The following PPP2R2C variants were observed in gnomAD, a reference collection of about 807,000 sequenced individuals.
PPP2R2C encodes the protein protein phosphatase 2 regulatory subunit Bgamma, also known as protein phosphatase 2, regulatory subunit B, gamma.
A neutral mutation model predicts 45.3 loss-of-function variants in PPP2R2C; 10 were observed. The ratio of observed to expected loss-of-function variants is 0.22; its 90% CI spans 0.14 to 0.37. The LOEUF (loss-of-function observed/expected upper bound fraction) is 0.37. Ranked by LOEUF, PPP2R2C falls within the 10% of genes least tolerant of loss-of-function variation. The pLI is 1.00. For missense variants in PPP2R2C, 308 were observed against 619.7 expected (o/e 0.50, Z 5.34); for synonymous variants, 257 against 245.4 (o/e 1.05, Z -0.44).
intron 2 of PPP2R2C, among the ~76,000 whole-genome samples, chr4:6,522,574 G>A (rs1008447733): frequency 7.9e-5 from 12 of 152,360 alleles, no homozygotes; most frequent in South Asian, 2.1e-4. Context: ...CGGAGTCACC[G>A]GGCATGGTGG....
intron 1 of PPP2R2C, among the ~76,000 whole-genome samples, chr4:6,541,273 G>A (rs1724795120): frequency 2.0e-5 from 3 of 152,200 alleles, no homozygotes; most frequent in Admixed American, 2.0e-4. Flanking sequence ...AATCCAGGAA[G>A]AATGGATATT....
chr4:6,477,730 C>CAAAAA lies in PPP2R2C; in HGVS notation c.49+57536_49+57540dup, dbSNP rs5855918. On this transcript the variant is annotated intron_variant, in intron 2 of 9. Transcript: ENST00000506140. ...TGGGCGACAGAGCGAGACTCCGTCT[C>CAAAAA]AAAAAAAAAAAAAAAAAAAAAAACT... is the stretch of plus-strand genomic sequence containing the variant. Among the ~76,000 whole-genome samples the CAAAAA allele has an allele frequency of 3.2e-3, 250 of 77,078 alleles. 3 individuals are homozygous for CAAAAA. In the Middle Eastern group the frequency reaches 0.037, roughly 11 times the overall value. The allele number at this position is 77,078 out of a possible 152,430, so 50.6% of individuals were successfully genotyped here. A position where few individuals can be genotyped will look rare whatever the true frequency, so the allele number is the denominator to read the frequency against.
chr4:6,407,725 A>G (rs1717895184), intron 1 of PPP2R2C, among the ~76,000 whole-genome samples: 1 of 152,212 alleles, frequency 6.6e-6, no homozygotes, highest in Non-Finnish European at 1.5e-5. Context: ...TAGAAGTCAA[A>G]TACCCTTAGA....
chr4:6,395,157 A>T (rs1231106923), intron 1 of PPP2R2C, among the ~76,000 whole-genome samples: 3 of 152,072 alleles, frequency 2.0e-5, no homozygotes, highest in Non-Finnish European at 4.4e-5. Context: ...GGCCCTCCCT[A>T]AAACCTTCCA....
At chr4:6,409,682 AC>A (rs892096009) in intron 1 of PPP2R2C, among the ~76,000 whole-genome samples, 5 of 151,874 alleles carry the variant, frequency 3.3e-5, no homozygotes, top group African/African-American at 4.8e-5. Context: ...AGAGGCTGCC[AC>A]CCCCCCATAT....
chr4:6,341,108 G>A (rs1269345079), intron 6 of PPP2R2C, among the ~76,000 whole-genome samples: 2 of 152,222 alleles, frequency 1.3e-5, no homozygotes, highest in African/African-American at 4.8e-5. Flanking sequence ...TTGGGAGGCC[G>A]AAGTGGACAG....
At chr4:6,325,064 G>A (rs1577064527) in intron 8 of PPP2R2C, among the ~76,000 whole-genome samples, 1 of 152,226 alleles carries the variant, frequency 6.6e-6, no homozygotes, top group East Asian at 1.9e-4. Context: ...TATGCACAGA[G>A]GACAAAAGCT....
chr4:6,350,174 G>T lies in PPP2R2C; in HGVS notation c.626-2164C>A, dbSNP rs114952724. 8.0e-5 allele frequency: 79 copies of T among 985,454 alleles called. No homozygotes were observed. The African/African-American group carries it at 1.2e-3, about 15-fold the overall frequency. 61.0% of individuals were successfully genotyped at this position (985,454 alleles called of 1,614,324 possible). A position where few individuals can be genotyped will look rare whatever the true frequency, so the allele number is the denominator to read the frequency against. On this transcript the variant is annotated intron_variant, in intron 5 of 8. Transcript: ENST00000382599. Reference sequence around the variant, plus strand: ...AAGCAGCGATTAAATAATGAAAAATGATACTGAAGGCCAAGCAAGAAAAGA... The same window carrying T: ...AAGCAGCGATTAAATAATGAAAAATTATACTGAAGGCCAAGCAAGAAAAGA...
intron 1 of PPP2R2C, among the ~76,000 whole-genome samples, chr4:6,404,269 G>T (rs1240321468): frequency 2.0e-5 from 3 of 152,178 alleles, no homozygotes; most frequent in African/African-American, 7.2e-5. Context: ...AAGGTGCCTT[G>T]ATGTCCCTGA....
chr4:6,440,266 G>A (rs1190796114), intron 1 of PPP2R2C, among the ~76,000 whole-genome samples: 2 of 152,244 alleles, frequency 1.3e-5, no homozygotes, highest in Non-Finnish European at 2.9e-5. Flanking sequence ...ATGAGTACAT[G>A]TTGCATGAAT....
chr4:6,358,254 A>G (rs1401091361), intron 5 of PPP2R2C, among the ~76,000 whole-genome samples: 2 of 152,246 alleles, frequency 1.3e-5, no homozygotes, highest in African/African-American at 4.8e-5. Context: ...CCTATTTAAT[A>G]AATGGTGCTG....
intron 6 of PPP2R2C, among the ~76,000 whole-genome samples, chr4:6,341,335 T>C (rs1254410551): frequency 7.9e-6 from 1 of 126,910 alleles, no homozygotes; most frequent in Non-Finnish European, 1.6e-5. Flanking sequence ...TGAGACTCCA[T>C]TTCAAAAAAA....
chr4:6,351,432 G>C (rs1712543205), intron 5 of PPP2R2C: 1 of 907,794 alleles, frequency 1.1e-6, no homozygotes, highest in Non-Finnish European at 1.3e-6. Context: ...GAGGGGCACG[G>C]ACACTCAATC....
At chr4:6,541,152 C>T (rs988324218) in intron 1 of PPP2R2C, among the ~76,000 whole-genome samples, 1 of 152,144 alleles carries the variant, frequency 6.6e-6, no homozygotes, top group Non-Finnish European at 1.5e-5. Flanking sequence ...AGCTTATGTC[C>T]CATTGGTTAG....
chr4:6,389,503 C>A (rs567989310), intron 1 of PPP2R2C, among the ~76,000 whole-genome samples: 1 of 152,270 alleles, frequency 6.6e-6, no homozygotes, highest in South Asian at 2.1e-4. Context: ...CGCCTGCTGC[C>A]GAAGGGAAAT....
intron 5 of PPP2R2C, among the ~76,000 whole-genome samples, chr4:6,356,162 T>G (rs575363743): frequency 1.2e-4 from 18 of 152,310 alleles, no homozygotes; most frequent in African/African-American, 4.1e-4. Flanking sequence ...TTGCAAATAC[T>G]GGCTGACCTG....
chr4:6,328,627 C>T lies in PPP2R2C; in HGVS notation c.1052+635G>A, dbSNP rs1258124242. 2.6e-5 allele frequency among the ~76,000 whole-genome samples: 4 copies of T among 152,220 alleles called. No homozygotes were observed. Among genetic ancestry groups the T allele is most frequent in the East Asian group, 1.9e-4 (1 of 5,184 alleles). Reference sequence around the variant, plus strand: ...CTGCCACAGCCCCCTTGTCCATGCCCGCCCTGGGCTGAGCCCAGGCTAGGG... The same window carrying T: ...CTGCCACAGCCCCCTTGTCCATGCCTGCCCTGGGCTGAGCCCAGGCTAGGG... On this transcript the variant is annotated intron_variant, in intron 8 of 8. Transcript: ENST00000382599. This position sits in a 1 kb window ranked among gnomAD's most constrained non-coding sequence, Gnocchi z 4.4.
At chr4:6,458,299 T>A (rs1329419772) in intron 1 of PPP2R2C, among the ~76,000 whole-genome samples, 1 of 152,222 alleles carries the variant, frequency 6.6e-6, no homozygotes, top group East Asian at 1.9e-4. Context: ...GGGTGGCTTA[T>A]AAACAACAAG....
chr4:6,426,963 T>A (rs1719367591), intron 1 of PPP2R2C, among the ~76,000 whole-genome samples: 1 of 152,222 alleles, frequency 6.6e-6, no homozygotes, highest in Non-Finnish European at 1.5e-5. Context: ...CTAAGTTAAT[T>A]TTGAAAATAT....
Sources: gnomAD v4.1 joint callset for allele counts (sites outside exome capture counted in the v4.1 genomes callset) on GRCh38, gnomAD v4.1.1 for gene constraint, Gnocchi (gnomAD v3.1) non-coding constraint, MANE v1.5 for transcripts, NCBI Gene and HGNC (gene_info 2026-07-23, HGNC 2026-07-21) for gene names.